Variants in CHD5 observed in about 807,000 individuals in gnomAD.
The protein encoded by CHD5 is chromodomain helicase DNA binding protein 5, also known as ATP-dependent chromatin remodeler CHD5.
In CHD5, 69 loss-of-function variants were observed where a neutral mutation model predicts 230.3. The ratio of observed to expected loss-of-function variants is 0.30; its 90% CI spans 0.25 to 0.37. The LOEUF (loss-of-function observed/expected upper bound fraction) is 0.37. Ranked by LOEUF, CHD5 falls within the 10% of genes least tolerant of loss-of-function variation. The pLI, the probability that CHD5 is intolerant of heterozygous loss-of-function variation, is 1.00. For synonymous variants in CHD5, 1,064 were observed against 1,065.9 expected, an observed-to-expected ratio of 1.00 and a Z score of 0.03; for missense variants, 1,827 against 2,622.8, an observed-to-expected ratio of 0.70 and a Z score of 6.63.
intron 1 of CHD5, 53 bp downstream of exon 1, chr1:6,179,892 C>G: frequency 1.9e-6 from 2 of 1,071,864 alleles, no homozygotes; most frequent in Middle Eastern, 2.8e-4. Flanking sequence ...TGGGCCCGGC[C>G]CGTCTCGGCG....
intron 15 of CHD5, 110 bp from the exon 16 acceptor site, chr1:6,136,975 C>A: frequency 8.0e-7 from 1 of 1,243,888 alleles, no homozygotes; most frequent in African/African-American, 1.5e-5. Context: ...ACAAAGGCTC[C>A]ACGGAGCCCT....
chr1:6,113,313 G>C (rs1396792208), intron 33 of CHD5: 9 of 431,156 alleles, frequency 2.1e-5, no homozygotes, highest in East Asian at 6.1e-5. Context: ...GGTCCCACCT[G>C]TTCAGGAAGC....
At chr1:6,179,915 TG>T in intron 1 of CHD5, 29 bp downstream of exon 1, 1 of 1,226,626 alleles carries the variant, frequency 8.2e-7, no homozygotes, top group Non-Finnish European at 1.0e-6. Context: ...CCCGCCGCTC[TG>T]GCCCCAGGCG....
In CHD5 at chr1:6,159,639, C is replaced by G. The variant is rs1263190850; in HGVS notation, c.208-124G>C. 5 of 750,770 alleles carry G rather than the reference C, an allele frequency of 6.7e-6. No homozygotes were observed. The African/African-American group carries it at 7.1e-5, about 11-fold the overall frequency. 46.5% of individuals were successfully genotyped at this position (750,770 alleles called of 1,614,324 possible). The stretch of plus-strand genomic sequence containing the variant: ...TGGGGATCGACCGATCCCCATCACT[C>G]CACTCATCATCAGAGGCCACTGCTC... On this transcript the variant is annotated intron_variant, in intron 2 of 41. Transcript: ENST00000262450.
rs937389187 is a variant in CHD5, at chr1:6,112,938, C to G, written c.4973G>C (p.Ser1658Thr). Residue 1658 changes from serine (S) to threonine (T), a missense_variant, in exon 34 of 42, where the codon AGC (serine) becomes ACC (threonine). Physicochemically the swap from Ser to Thr is moderately conservative, Grantham distance 58. Around this residue, in one of 14 missense-constraint regions of CHD5, gnomAD observed 272 missense variants for 263.2 expected, o/e 1.03. Coordinates refer to ENST00000262450, the MANE Select transcript of CHD5 (RefSeq NM_015557.3). ...LDKLELSLIH[S>T]RGDSSELRPD... ...CCTGAGTTCGGAACTGTCCCCTCTGCTGTGGATCAAGCTCAGCTCCAGCTT... is the reference window on the plus strand; with the variant it reads ...CCTGAGTTCGGAACTGTCCCCTCTGGTGTGGATCAAGCTCAGCTCCAGCTT... 1 of 1,614,028 alleles carries G rather than the reference C, an allele frequency of 6.2e-7. No homozygotes were observed. The highest frequency in any genetic ancestry group is 1.3e-5 in the African/African-American group (1 of 75,068).
intron 1 of CHD5, among the ~76,000 whole-genome samples, chr1:6,175,159 T>TG (rs1667404518): frequency 6.8e-6 from 1 of 148,148 alleles, no homozygotes; most frequent in Non-Finnish European, 1.5e-5. Flanking sequence ...GATGGATGGA[T>TG]GGTGGGCGGA....
At chr1:6,166,431 G>T (rs191638539) in intron 2 of CHD5, among the ~76,000 whole-genome samples, 2 of 151,936 alleles carry the variant, frequency 1.3e-5, no homozygotes, top group Non-Finnish European at 2.9e-5. Flanking sequence ...GAGAAGGGCC[G>T]GTAGGAGGTG....
Position 6,166,338 on chromosome 1 carries a change from C to G in CHD5, c.207+1812G>C, listed in dbSNP as rs1571171189. Among the ~76,000 whole-genome samples, 3 of 151,668 alleles carry G rather than the reference C, an allele frequency of 2.0e-5. No homozygotes were observed. In the South Asian group the frequency reaches 6.3e-4, roughly 32 times the overall value. ...CTGCACAGGCTCTGGACCAGGGGGC[C>G]GTGGGGCACAGTCAGAGCACACTCA... On this transcript the variant is annotated intron_variant, in intron 2 of 41. Coordinates refer to ENST00000262450, the MANE Select transcript of CHD5 (RefSeq NM_015557.3).
chr1:6,144,404 A>G (rs906698433), intron 11 of CHD5, among the ~76,000 whole-genome samples: 1 of 152,212 alleles, frequency 6.6e-6, no homozygotes, highest in Non-Finnish European at 1.5e-5. Context: ...CAGAGGAGCA[A>G]TGAGCCAGCC....
intron 35 of CHD5, 100 bp from the exon 36 acceptor site, chr1:6,111,983 C>T (rs923216059): frequency 7.3e-7 from 1 of 1,371,784 alleles, no homozygotes; most frequent in African/African-American, 1.4e-5. Flanking sequence ...ACTGCCTCCA[C>T]CCCCAGAGGT....
rs140619484 is a variant in CHD5, at chr1:6,125,890, G to A, written c.4079-32C>T. ...GGGGCCAGACAGAGGGGCACGGAGT[G>A]AGCTGTACAAGCAAAGCCCACCCTC... On this transcript the variant is annotated intron_variant, in intron 26 of 41. Transcript: ENST00000262450. This position sits in a 1 kb window ranked among gnomAD's most constrained non-coding sequence, Gnocchi z 6.7. 294 of 1,550,800 alleles carry A rather than the reference G, an allele frequency of 1.9e-4. No individual in the cohort carries two copies. The African/African-American group carries it at 3.7e-3, about 19-fold the overall frequency.
chr1:6,125,469 C>G lies in CHD5; in HGVS notation c.4260+55G>C, dbSNP rs1666540714. Reference sequence around the variant, plus strand: ...CAGTCCCCCAGCCCTCCTCCATACCCCAGGGGCAGCAGGAAGCAGGGGCAG... The same window carrying G: ...CAGTCCCCCAGCCCTCCTCCATACCGCAGGGGCAGCAGGAAGCAGGGGCAG... On this transcript the variant is annotated intron_variant, in intron 28 of 41. Coordinates refer to ENST00000262450, the MANE Select transcript of CHD5 (RefSeq NM_015557.3). This position sits in a 1 kb window ranked among gnomAD's most constrained non-coding sequence, Gnocchi z 6.7. 1.3e-6 allele frequency: 2 copies of G among 1,523,130 alleles called. No individual in the cohort carries two copies. The highest frequency in any genetic ancestry group is 8.9e-7 in the Non-Finnish European group (1 of 1,121,750). 94.4% of individuals were successfully genotyped at this position (1,523,130 alleles called of 1,614,324 possible).
chr1:6,106,906 GGAAGGA>G (rs1391401871), intron 38 of CHD5, 127 bp from the exon 39 acceptor site: 1 of 460,460 alleles, frequency 2.2e-6, no homozygotes, highest in East Asian at 4.2e-5. Context: ...ATGGAGGGAT[GGAAGGA>G]TGGAGGGATG....
chr1:6,106,405 G>A lies in CHD5; in HGVS notation c.5847C>T (p.Pro1949=). 2 of 1,594,696 alleles carry A rather than the reference G, an allele frequency of 1.3e-6. No individual in the cohort carries two copies. The highest frequency in any genetic ancestry group is 1.7e-6 in the Non-Finnish European group (2 of 1,171,168). ...CGGACGGGCACCTACCGGTCACATA[G>A]GGCCCCAGGGGCATCTGGTTGTAGT... ...IVNYNQMPLG[P]YVTDI Residue 1949 remains proline (P), a synonymous_variant, in exon 40 of 42, where the codon CCC becomes CCT. Transcript: ENST00000262450.
At chr1:6,106,818 G>A (rs1424819319) in intron 38 of CHD5, 39 bp from the exon 39 acceptor site, 1 of 1,571,540 alleles carries the variant, frequency 6.4e-7, no homozygotes, top group Non-Finnish European at 8.7e-7. Flanking sequence ...ATGCAGGGAT[G>A]GAGGGGTGGA....
chr1:6,173,295 A>G (rs113883501), intron 1 of CHD5, among the ~76,000 whole-genome samples: 37,872 of 151,428 alleles, frequency 0.25, 8,163 homozygotes, highest in African/African-American at 0.59. Context: ...TAGTAGAGCC[A>G]GGGTTTCACC....
At position 6,109,883 on chromosome 1, in the gene CHD5, A is replaced by T; in HGVS notation, c.5490T>A (p.Ala1830=). 3 of 1,612,622 alleles carry T rather than the reference A, an allele frequency of 1.9e-6. No homozygotes were observed. The highest frequency in any genetic ancestry group is 1.7e-4 in the Middle Eastern group (1 of 6,046). Residue 1830 remains alanine, a synonymous_variant, in exon 38 of 42, where the codon GCT becomes GCA. Coordinates refer to ENST00000262450, the MANE Select transcript of CHD5 (RefSeq NM_015557.3). The stretch of plus-strand genomic sequence containing the variant: ...GGCTCTCGGCGAGGCACTCCACTTC[A>T]GCCAGGCGGGCGTTGAGGGCCATGG... ...HPAMALNARL[A]EVECLAESHQ... is the part of the protein sequence containing the mutation.
chr1:6,172,713 G>T (rs1667358321), intron 1 of CHD5, among the ~76,000 whole-genome samples: 1 of 152,032 alleles, frequency 6.6e-6, no homozygotes, highest in African/African-American at 2.4e-5. Context: ...GGGACACTGA[G>T]GTGACTCAGG....
chr1:6,149,355 T>A lies in CHD5; in HGVS notation c.1052A>T (p.Gln351Leu). 8 of 1,613,184 alleles carry A rather than the reference T, an allele frequency of 5.0e-6. No homozygotes were observed. The highest frequency in any genetic ancestry group is 5.9e-6 in the Non-Finnish European group (7 of 1,179,730). The change falls in exon 8 of 42, where the codon CAG becomes CTG. Residue 351 changes from glutamine (Q) to leucine (L), a missense_variant. Coordinates refer to ENST00000262450, the MANE Select transcript of CHD5 (RefSeq NM_015557.3). ...GTCGCACAGGATGATCTCCCCACCCTGCTGGCACACCTCACAGTAATCCTG... is the reference window on the plus strand; with the variant it reads ...GTCGCACAGGATGATCTCCCCACCCAGCTGGCACACCTCACAGTAATCCTG... Reference protein sequence around the residue: ...DHQDYCEVCQQGGEIILCDTC... With the variant: ...DHQDYCEVCQLGGEIILCDTC...
Sources: allele counts gnomAD v4.1 joint callset (sites outside exome capture counted in the v4.1 genomes callset), GRCh38; gene constraint gnomAD v4.1.1; regional missense constraint gnomAD v4.1.1; non-coding constraint Gnocchi (gnomAD v3.1); transcripts MANE v1.5; gene names NCBI Gene and HGNC (gene_info 2026-07-23, HGNC 2026-07-21).